INHBB: variants seen among roughly 807,000 people sequenced by gnomAD.
INHBB encodes the protein inhibin beta B chain.
INHBB carries 8 observed loss-of-function variants against 28.9 expected under a neutral mutation model. That is an observed-to-expected ratio of 0.28 (90% confidence interval 0.16 to 0.50). The LOEUF (loss-of-function observed/expected upper bound fraction) is 0.50, where lower values mean the gene tolerates loss of function less well. Ranked by LOEUF, INHBB falls within the 20% of genes least tolerant of loss-of-function variation. INHBB has a pLI of 0.98. For synonymous variants in INHBB, 293 were observed against 262.7 expected (o/e 1.12, Z -1.12); for missense variants, 499 against 597.8 (o/e 0.83, Z 1.72).
chr2:120,349,731 C>T lies in INHBB; in HGVS notation c.1081C>T (p.Arg361Trp). ...GGCTGTGGTGAACCAGTACCGCATGCGGGGTCTGAACCCCGGCACGGTGAA... is the reference window on the plus strand; with the variant it reads ...GGCTGTGGTGAACCAGTACCGCATGTGGGGTCTGAACCCCGGCACGGTGAA... Reference protein sequence around the residue: ...HTAVVNQYRMRGLNPGTVNSC... With the variant: ...HTAVVNQYRMWGLNPGTVNSC... The change falls in exon 2 of 2, where the codon CGG (arginine) becomes TGG (tryptophan). Residue 361 changes from arginine to tryptophan, a missense_variant. Arg to Trp is a moderately radical substitution (Grantham distance 101). This residue lies in a region of INHBB where 114 missense variants were observed against 182.6 expected (regional missense o/e 0.62). Transcript: ENST00000295228. This position sits in a 1 kb window ranked among gnomAD's most constrained non-coding sequence, Gnocchi z 5.6. 1.2e-6 allele frequency: 2 copies of T among 1,613,746 alleles called. No individual in the cohort carries two copies. Among genetic ancestry groups the T allele is most frequent in the Non-Finnish European group, 1.7e-6 (2 of 1,180,038 alleles).
chr2:120,349,463 G>A lies in INHBB; in HGVS notation c.813G>A (p.Ser271=), dbSNP rs778038309. The A allele has an allele frequency of 5.5e-5, 89 of 1,613,580 alleles. No individual in the cohort carries two copies. The highest frequency in any genetic ancestry group is 4.9e-4 in the Middle Eastern group (3 of 6,084). Reference sequence around the variant, plus strand: ...TGTTCGTGGACCCAGGCGAAGAGTCGCACCGGCCCTTTGTGGTGGTGCAGG... The same window carrying A: ...TGTTCGTGGACCCAGGCGAAGAGTCACACCGGCCCTTTGTGGTGGTGCAGG... ...VPVFVDPGEE[S]HRPFVVVQAR... The change falls in exon 2 of 2, where the codon TCG becomes TCA. Residue 271 remains serine (S), a synonymous_variant. Transcript: ENST00000295228. The surrounding 1 kb of genome is among the most constrained non-coding windows in gnomAD (Gnocchi z 5.6).
At position 120,346,419 on chromosome 2, in the gene INHBB, G is replaced by A. The variant is rs746155161; in HGVS notation, c.231G>A (p.Ala77=). The A allele has an allele frequency of 1.9e-6, 3 of 1,548,228 alleles. No homozygotes were observed. Among genetic ancestry groups the A allele is most frequent in the Non-Finnish European group, 2.6e-6 (3 of 1,154,814 alleles). Residue 77 remains alanine (A), a synonymous_variant, in exon 1 of 2, where the codon GCG becomes GCA. Coordinates refer to ENST00000295228, the MANE Select transcript of INHBB (RefSeq NM_002193.4). ...GAGTGGACGGCGACTTCCTGGAGGC[G>A]GTGAAGCGGCACATCTTGAGCCGCC... is the stretch of plus-strand genomic sequence containing the variant. ...LGRVDGDFLE[A]VKRHILSRLQ...
intron 1 of INHBB, among the ~76,000 whole-genome samples, chr2:120,347,434 G>A (rs1218366638): frequency 1.5e-5 from 2 of 137,442 alleles, no homozygotes; most frequent in East Asian, 4.2e-4. Flanking sequence ...CTCTAACACT[G>A]TCTAAATATA....
chr2:120,348,949 C>A, intron 1 of INHBB, 150 bp from the exon 2 acceptor site: 1 of 895,944 alleles, frequency 1.1e-6, no homozygotes, highest in Non-Finnish European at 1.7e-6. Flanking sequence ...CAGTCAGAGG[C>A]CCTGGCCCCA....
rs1313107093 is a variant in INHBB at position 120,349,570 on chromosome 2, A to C, written c.920A>C (p.Gln307Pro). The change falls in exon 2 of 2, where the codon CAG (glutamine) becomes CCG (proline). Residue 307 changes from glutamine (Q) to proline (P), a missense_variant. Gln to Pro is a moderately conservative substitution (Grantham distance 76). Coordinates refer to ENST00000295228, the MANE Select transcript of INHBB (RefSeq NM_002193.4). This position sits in a 1 kb window ranked among gnomAD's most constrained non-coding sequence, Gnocchi z 5.6. ...CGGACCAACCTCTGTTGCAGGCAAC[A>C]GTTCTTCATTGACTTCCGCCTCATC... ...DGRTNLCCRQ[Q>P]FFIDFRLIGW... The C allele has an allele frequency of 6.2e-7, 1 of 1,614,126 alleles. No homozygotes were observed. Among genetic ancestry groups the C allele is most frequent in the East Asian group, 2.2e-5 (1 of 44,886 alleles).
chr2:120,346,276 C>A lies in INHBB; in HGVS notation c.88C>A (p.Pro30Thr). The A allele has an allele frequency of 2.2e-6, 3 of 1,363,744 alleles. No individual in the cohort carries two copies. Among genetic ancestry groups the A allele is most frequent in the Non-Finnish European group, 2.8e-6 (3 of 1,066,676 alleles). 84.5% of individuals were successfully genotyped at this position (1,363,744 alleles called of 1,614,324 possible). Reference protein sequence around the residue: ...GWLGPEAWGSPTPPPTPAAPP... With the variant: ...GWLGPEAWGSTTPPPTPAAPP... ...GCTGGGGCCTGAGGCCTGGGGCTCA[C>A]CCACGCCCCCGCCGACGCCTGCCGC... Residue 30 changes from proline to threonine, a missense_variant, in exon 1 of 2, where the codon CCC (proline) becomes ACC (threonine). Transcript: ENST00000295228.
intron 1 of INHBB, among the ~76,000 whole-genome samples, chr2:120,348,656 C>CAAAAAA (rs5833831): frequency 2.7e-5 from 2 of 74,454 alleles, no homozygotes; most frequent in Non-Finnish European, 2.5e-5. Context: ...CTAAGTTAAC[C>CAAAAAA]AAAAAAAAAA....
Position 120,350,199 on chromosome 2 carries a change from A to T in INHBB, c.*325A>T. 1 of 320,132 alleles carries T rather than the reference A, an allele frequency of 3.1e-6. No homozygotes were observed. Among genetic ancestry groups the T allele is most frequent in the Non-Finnish European group, 5.8e-6 (1 of 171,054 alleles). 19.8% of individuals were successfully genotyped at this position (320,132 alleles called of 1,614,324 possible). On this transcript the variant is annotated 3_prime_UTR_variant, in exon 2 of 2. Coordinates refer to ENST00000295228, the MANE Select transcript of INHBB (RefSeq NM_002193.4). Reference sequence around the variant, plus strand: ...GTGACAAATGGCAGCTTAGCTACAAATGCCTGTCAGTCGGAGAGAATGGGG... The same window carrying T: ...GTGACAAATGGCAGCTTAGCTACAATTGCCTGTCAGTCGGAGAGAATGGGG...
intron 1 of INHBB, 116 bp downstream of exon 1, chr2:120,346,752 G>C (rs1253378257): frequency 5.2e-5 from 57 of 1,085,806 alleles, no homozygotes; most frequent in Non-Finnish European, 6.0e-5. Context: ...GGGGCAGCCT[G>C]GACTCCCGGC....
In INHBB at chr2:120,351,791, A is replaced by C. The variant is rs1691263076; in HGVS notation, c.*1917A>C. On this transcript the variant is annotated 3_prime_UTR_variant, in exon 2 of 2. Coordinates refer to ENST00000295228, the MANE Select transcript of INHBB (RefSeq NM_002193.4). ...TTTGTGTACAGTTTAAGAAAATAAA[A>C]GATTGAGTGCCACGGGCCTCCTGCC... 6.6e-6 allele frequency: 1 copy of C among 152,228 alleles called. No individual in the cohort carries two copies. The highest frequency in any genetic ancestry group is 2.4e-5 in the African/African-American group (1 of 41,448). 9.4% of individuals were successfully genotyped at this position (152,228 alleles called of 1,614,324 possible). A position where few individuals can be genotyped will look rare whatever the true frequency, so the allele number is the denominator to read the frequency against.
In INHBB at chr2:120,350,540, G is replaced by C. The variant is rs2104575683; in HGVS notation, c.*666G>C. On this transcript the variant is annotated 3_prime_UTR_variant, in exon 2 of 2. Transcript: ENST00000295228. ...AAGGACACAACCCGTCAGAGACCTG[G>C]GAGCAGGGGCAATGACCGTTTGACT... 1 of 152,538 alleles carries C rather than the reference G, an allele frequency of 6.6e-6. No homozygotes were observed. The highest frequency in any genetic ancestry group is 1.5e-5 in the Non-Finnish European group (1 of 68,268). The allele number at this position is 152,538 out of a possible 1,614,324, so 9.4% of individuals were successfully genotyped here.
chr2:120,346,639 G>A lies in INHBB; in HGVS notation c.448+3G>A. ...AATCATCAGCTTCGCCGAGACAGGT[G>A]GGTCCGGCCCTCCGGCTGTCTGCCG... On this transcript the variant is annotated splice_donor_region_variant and intron_variant, in intron 1 of 1. Transcript: ENST00000295228. 3.5e-6 allele frequency: 5 copies of A among 1,436,414 alleles called. No individual in the cohort carries two copies. The highest frequency in any genetic ancestry group is 4.5e-6 in the Non-Finnish European group (5 of 1,100,984). 89.0% of individuals were successfully genotyped at this position (1,436,414 alleles called of 1,614,324 possible). A position where few individuals can be genotyped will look rare whatever the true frequency, so the allele number is the denominator to read the frequency against.
rs1691151133 is a variant in INHBB, at chr2:120,346,323, C to T, written c.135C>T (p.Pro45=). Residue 45 remains proline, a synonymous_variant, in exon 1 of 2, where the codon CCC becomes CCT. Coordinates refer to ENST00000295228, the MANE Select transcript of INHBB (RefSeq NM_002193.4). ...CCGCGCCGCCGCCACCCCCGCCACC[C>T]GGATCCCCGGGTGGCTCGCAGGACA... ...TPAAPPPPPP[P]GSPGGSQDTC... 3.6e-6 allele frequency: 5 copies of T among 1,388,522 alleles called. 1 individual carries two copies. The South Asian group carries it at 4.9e-5, about 14-fold the overall frequency. 86.0% of individuals were successfully genotyped at this position (1,388,522 alleles called of 1,614,324 possible).
At position 120,349,505 on chromosome 2, in the gene INHBB, C is replaced by T; in HGVS notation, c.855C>T (p.Ser285=). 1 of 1,613,498 alleles carries T rather than the reference C, an allele frequency of 6.2e-7. No homozygotes were observed. The highest frequency in any genetic ancestry group is 8.5e-7 in the Non-Finnish European group (1 of 1,179,956). ...FVVVQARLGD[S]RHRIRKRGLE... ...TGGTGCAGGCTCGGCTGGGCGACAGCAGGCACCGCATTCGCAAGCGAGGCC... is the reference window on the plus strand; with the variant it reads ...TGGTGCAGGCTCGGCTGGGCGACAGTAGGCACCGCATTCGCAAGCGAGGCC... Residue 285 remains serine, a synonymous_variant, in exon 2 of 2, where the codon AGC becomes AGT. Coordinates refer to ENST00000295228, the MANE Select transcript of INHBB (RefSeq NM_002193.4). This position sits in a 1 kb window ranked among gnomAD's most constrained non-coding sequence, Gnocchi z 5.6.
At position 120,350,557 on chromosome 2, in the gene INHBB, C is replaced by A. The variant is rs1400738781; in HGVS notation, c.*683C>A. The A allele has an allele frequency of 7.0e-6, 1 of 142,678 alleles. No homozygotes were observed. Among genetic ancestry groups the A allele is most frequent in the East Asian group, 2.3e-4 (1 of 4,294 alleles). 8.8% of individuals were successfully genotyped at this position (142,678 alleles called of 1,614,324 possible). A position where few individuals can be genotyped will look rare whatever the true frequency, so the allele number is the denominator to read the frequency against. On this transcript the variant is annotated 3_prime_UTR_variant, in exon 2 of 2. Coordinates refer to ENST00000295228, the MANE Select transcript of INHBB (RefSeq NM_002193.4). ...GAGACCTGGGAGCAGGGGCAATGACCGTTTGACTGTTTGTGGCTTGGGCCT... is the reference window on the plus strand; with the variant it reads ...GAGACCTGGGAGCAGGGGCAATGACAGTTTGACTGTTTGTGGCTTGGGCCT...
chr2:120,348,008 C>T lies in INHBB; in HGVS notation c.449-1091C>T, dbSNP rs1398118040. Reference sequence around the variant, plus strand: ...GCTGTTATATTTCTGGTCCGTTTCACGGAGCCAGCTCTTTGACTTATAAAT... The same window carrying T: ...GCTGTTATATTTCTGGTCCGTTTCATGGAGCCAGCTCTTTGACTTATAAAT... On this transcript the variant is annotated intron_variant, in intron 1 of 1. Transcript: ENST00000295228. Among the ~76,000 whole-genome samples, 3 of 152,082 alleles carry T rather than the reference C, an allele frequency of 2.0e-5. No individual in the cohort carries two copies. The East Asian group carries it at 5.8e-4, about 29-fold the overall frequency.
In INHBB at chr2:120,350,972, T is replaced by G. The variant is rs1424204650; in HGVS notation, c.*1098T>G. 2 of 152,664 alleles carry G rather than the reference T, an allele frequency of 1.3e-5. No individual in the cohort carries two copies. Among genetic ancestry groups the G allele is most frequent in the South Asian group, 2.1e-4 (1 of 4,836 alleles). The allele number at this position is 152,664 out of a possible 1,614,324, so 9.5% of individuals were successfully genotyped here. A position where few individuals can be genotyped will look rare whatever the true frequency, so the allele number is the denominator to read the frequency against. ...AGCAGCCTAGTTGGTCTTGGAGAGA[T>G]GGGGAAGGCTTTCAGCTGATTTGCA... On this transcript the variant is annotated 3_prime_UTR_variant, in exon 2 of 2. Transcript: ENST00000295228.
At position 120,346,476 on chromosome 2, in the gene INHBB, C is replaced by T. The variant is rs907278209; in HGVS notation, c.288C>T (p.His96=). The T allele has an allele frequency of 5.8e-6, 9 of 1,557,816 alleles. No individual in the cohort carries two copies. In the African/African-American group the frequency reaches 9.8e-5, roughly 17 times the overall value. ...LQMRGRPNIT[H]AVPKAAMVTA... is the part of the protein sequence containing the mutation. The stretch of plus-strand genomic sequence containing the variant: ...TGCGGGGCCGGCCCAACATCACGCA[C>T]GCCGTGCCTAAGGCCGCCATGGTCA... Residue 96 remains histidine (H), a synonymous_variant, in exon 1 of 2, where the codon CAC becomes CAT. Coordinates refer to ENST00000295228, the MANE Select transcript of INHBB (RefSeq NM_002193.4).
chr2:120,349,499 C>T lies in INHBB; in HGVS notation c.849C>T (p.Gly283=), dbSNP rs61737548. 6.0e-3 allele frequency: 9,699 copies of T among 1,613,384 alleles called. 472 individuals carry two copies. In the African/African-American group the frequency reaches 0.11, roughly 18 times the overall value. The change falls in exon 2 of 2, where the codon GGC becomes GGT. Residue 283 remains glycine, a synonymous_variant. Coordinates refer to ENST00000295228, the MANE Select transcript of INHBB (RefSeq NM_002193.4). This position sits in a 1 kb window ranked among gnomAD's most constrained non-coding sequence, Gnocchi z 5.6. ...TTGTGGTGGTGCAGGCTCGGCTGGGCGACAGCAGGCACCGCATTCGCAAGC... is the reference window on the plus strand; with the variant it reads ...TTGTGGTGGTGCAGGCTCGGCTGGGTGACAGCAGGCACCGCATTCGCAAGC... The part of the protein sequence containing the change: ...RPFVVVQARL[G]DSRHRIRKRG...
Sources: gnomAD v4.1 joint callset for allele counts (sites outside exome capture counted in the v4.1 genomes callset) on GRCh38, gnomAD v4.1.1 for gene constraint, gnomAD v4.1.1 regional missense constraint, Gnocchi (gnomAD v3.1) non-coding constraint, MANE v1.5 for transcripts, NCBI Gene and HGNC (gene_info 2026-07-23, HGNC 2026-07-21) for gene names.